Variants in ERAL1 observed in about 807,000 individuals in gnomAD.
ERAL1 encodes GTPase Era, mitochondrial.
Under a neutral mutation model 53.6 loss-of-function variants are expected in ERAL1, and 36 were observed. The ratio of observed to expected loss-of-function variants is 0.67; its 90% CI spans 0.51 to 0.89. ERAL1 has a LOEUF of 0.89. ERAL1 is among the 40% of genes least tolerant of loss of function. ERAL1 has a pLI of 0.00. For missense variants in ERAL1, 512 were observed against 537.5 expected (o/e 0.95, Z 0.47); for synonymous variants, 215 against 211.8 (o/e 1.02, Z -0.13).
intron 2 of ERAL1, 51 bp downstream of exon 2, chr17:28,856,442 A>G (rs1447872208): frequency 2.5e-6 from 4 of 1,613,552 alleles, no homozygotes; most frequent in Admixed American, 1.7e-5. Context: ...ACTTCTTGCC[A>G]TGCCTTCAAG....
chr17:28,856,511 C>T lies in ERAL1; in HGVS notation c.418C>T (p.Pro140Ser), dbSNP rs531285834. ...ACTCCTTTGTTCCTGGCAGGTGTTC[C>T]CTGTTTCCAGGAAGGTGCATACTAC... ...SNQLLGRKVFPVSRKVHTTRC... is the reference protein window; with the variant it reads ...SNQLLGRKVFSVSRKVHTTRC... The change falls in exon 3 of 10, where the codon CCT becomes TCT. Residue 140 changes from proline (P) to serine (S), a missense_variant. Pro to Ser is a moderately conservative substitution (Grantham distance 74). Coordinates refer to ENST00000254928, the MANE Select transcript of ERAL1 (RefSeq NM_005702.4). 3 of 1,613,726 alleles carry T rather than the reference C, an allele frequency of 1.9e-6. No homozygotes were observed. Among genetic ancestry groups the T allele is most frequent in the Non-Finnish European group, 2.5e-6 (3 of 1,179,812 alleles).
rs754516296 is a variant in ERAL1, at chr17:28,855,201, G to T, written c.167G>T (p.Arg56Leu). The change falls in exon 1 of 10, where the codon CGC becomes CTC. Residue 56 changes from arginine (R) to leucine (L), a missense_variant. By Grantham distance (102) the Arg-to-Leu change is moderately radical. Transcript: ENST00000254928. ...GCGGGGTCCGCTTTCTCTGGTCCCC[G>T]CTTGGCCTCGGCTTCTCGCAGTAAT... is the stretch of plus-strand genomic sequence containing the variant. ...CVAGSAFSGPRLASASRSNGQ... is the reference protein window; with the variant it reads ...CVAGSAFSGPLLASASRSNGQ... 18 of 1,614,094 alleles carry T rather than the reference G, an allele frequency of 1.1e-5. No homozygotes were observed. In the South Asian group the frequency reaches 2.0e-4, roughly 18 times the overall value.
At chr17:28,856,239 C>T (rs1441496335) in intron 1 of ERAL1, 25 bp from the exon 2 acceptor site, 8 of 1,613,380 alleles carry the variant, frequency 5.0e-6, no homozygotes, top group Non-Finnish European at 6.8e-6. Flanking sequence ...CACTGTGTCT[C>T]ATGCTTCTTC....
In ERAL1 at chr17:28,856,527, T is replaced by G; in HGVS notation, c.434T>G (p.Val145Gly). 6.2e-7 allele frequency: 1 copy of G among 1,613,842 alleles called. No homozygotes were observed. The stretch of plus-strand genomic sequence containing the variant: ...CAGGTGTTCCCTGTTTCCAGGAAGG[T>G]GCATACTACTCGCTGCCAAGCTCTG... ...GRKVFPVSRK[V>G]HTTRCQALGV... The change falls in exon 3 of 10, where the codon GTG (valine) becomes GGG (glycine). Residue 145 changes from valine (V) to glycine (G), a missense_variant. Physicochemically the swap from Val to Gly is moderately radical, Grantham distance 109. Coordinates refer to ENST00000254928, the MANE Select transcript of ERAL1 (RefSeq NM_005702.4).
Position 28,859,047 on chromosome 17 carries a change from T to A in ERAL1, c.1044T>A (p.Cys348Ter). 6.2e-7 allele frequency: 1 copy of A among 1,614,234 alleles called. No homozygotes were observed. Among genetic ancestry groups the A allele is most frequent in the South Asian group, 1.1e-5 (1 of 91,082 alleles). The change falls in exon 8 of 10, where the codon TGT (cysteine) becomes TGA (stop). Residue 348 changes from cysteine (C) to a stop codon, truncating the protein, a stop_gained. Coordinates refer to ENST00000254928, the MANE Select transcript of ERAL1 (RefSeq NM_005702.4). LOFTEE classifies it high-confidence loss of function. ...VLTSQTPEEI[C>*]ANIIREKLLE... The stretch of plus-strand genomic sequence containing the variant: ...CTAGCCAGACACCAGAAGAGATCTG[T>A]GCCAACATTATCCGAGAGAAGCTCC...
rs763611007 is a variant in ERAL1 at position 28,858,770 on chromosome 17, C to G, written c.906C>G (p.Phe302Leu). 8 of 1,614,210 alleles carry G rather than the reference C, an allele frequency of 5.0e-6. No homozygotes were observed. The highest frequency in any genetic ancestry group is 4.5e-5 in the East Asian group (2 of 44,888). ...CTCAGAGGATTGGCTGGCCCCACTTCAAGGAGATCTTCATGTTGTCAGCCC... is the reference window on the plus strand; with the variant it reads ...CTCAGAGGATTGGCTGGCCCCACTTGAAGGAGATCTTCATGTTGTCAGCCC... ...GNPQRIGWPH[F>L]KEIFMLSALS... Residue 302 changes from phenylalanine to leucine, a missense_variant, in exon 7 of 10, where the codon TTC becomes TTG. Physicochemically the swap from Phe to Leu is conservative, Grantham distance 22. Transcript: ENST00000254928.
At chr17:28,857,801 C>CA (rs1285474757) in intron 3 of ERAL1, 138 bp from the exon 4 acceptor site, 10 of 1,020,176 alleles carry the variant, frequency 9.8e-6, no homozygotes, top group Non-Finnish European at 1.5e-5. Flanking sequence ...CAGAAAAAAA[C>CA]AAAAAACAAA....
Position 28,860,892 on chromosome 17 carries a change from C to A in ERAL1, c.*339C>A, listed in dbSNP as rs564532395. 3 of 190,256 alleles carry A rather than the reference C, an allele frequency of 1.6e-5. No homozygotes were observed. Among genetic ancestry groups the A allele is most frequent in the Non-Finnish European group, 3.2e-5 (3 of 94,108 alleles). The allele number at this position is 190,256 out of a possible 1,614,324, so 11.8% of individuals were successfully genotyped here. A position where few individuals can be genotyped will look rare whatever the true frequency, so the allele number is the denominator to read the frequency against. Reference sequence around the variant, plus strand: ...TTTCTCCCTGAGTCGCTGTTGCTAGCAGGGAGATTTCTCTTCCTGCCCTCA... The same window carrying A: ...TTTCTCCCTGAGTCGCTGTTGCTAGAAGGGAGATTTCTCTTCCTGCCCTCA... On this transcript the variant is annotated 3_prime_UTR_variant, in exon 10 of 10. Transcript: ENST00000254928.
At chr17:28,858,057 G>C in intron 4 of ERAL1, 72 bp downstream of exon 4, 1 of 1,612,626 alleles carries the variant, frequency 6.2e-7, no homozygotes, top group Non-Finnish European at 8.5e-7. Context: ...CATTATAGGG[G>C]CTGGAAAACC....
At position 28,858,785 on chromosome 17, in the gene ERAL1, G is replaced by A. The variant is rs757153779; in HGVS notation, c.921G>A (p.Met307Ile). The A allele has an allele frequency of 1.2e-6, 2 of 1,614,186 alleles. No individual in the cohort carries two copies. The highest frequency in any genetic ancestry group is 1.1e-5 in the South Asian group (1 of 91,078). Residue 307 changes from methionine (M) to isoleucine (I), a missense_variant, in exon 7 of 10, where the codon ATG becomes ATA. Transcript: ENST00000254928. ...IGWPHFKEIF[M>I]LSALSQEDVK... ...GGCCCCACTTCAAGGAGATCTTCAT[G>A]TTGTCAGCCCTAAGCCAGGAGGACG...
chr17:28,859,265 G>A lies in ERAL1; in HGVS notation c.1173G>A (p.Val391=), dbSNP rs977933810. The A allele has an allele frequency of 3.1e-6, 5 of 1,614,152 alleles. No homozygotes were observed. Among genetic ancestry groups the A allele is most frequent in the Non-Finnish European group, 4.2e-6 (5 of 1,180,034 alleles). The change falls in exon 9 of 10, where the codon GTG becomes GTA. Residue 391 remains valine (V), a synonymous_variant. Coordinates refer to ENST00000254928, the MANE Select transcript of ERAL1 (RefSeq NM_005702.4). ...TGGTTATCCAACAGAAGCTTCTGGT[G>A]CCCAAAGAATCTTATGTGGTAAGTG... The part of the protein sequence containing the change: ...GELVIQQKLL[V]PKESYVKLLI...
chr17:28,855,071 C>G lies in ERAL1; in HGVS notation c.37C>G (p.Gln13Glu), dbSNP rs1008207460. 1.2e-6 allele frequency: 2 copies of G among 1,611,852 alleles called. No individual in the cohort carries two copies. The highest frequency in any genetic ancestry group is 2.7e-5 in the African/African-American group (2 of 74,882). Residue 13 changes from glutamine to glutamate, a missense_variant, in exon 1 of 10, where the codon CAA (glutamine) becomes GAA (glutamate). By Grantham distance (29) the Gln-to-Glu change is conservative. Coordinates refer to ENST00000254928, the MANE Select transcript of ERAL1 (RefSeq NM_005702.4). ...CAGCTGGCGCGGGGCTAGGCTTGTTCAATCGGTGTTAAGAGTCTGGCAGGT... is the reference window on the plus strand; with the variant it reads ...CAGCTGGCGCGGGGCTAGGCTTGTTGAATCGGTGTTAAGAGTCTGGCAGGT... ...APSWRGARLV[Q>E]SVLRVWQVGP...
At chr17:28,856,661 G>A in intron 3 of ERAL1, 79 bp downstream of exon 3, 1 of 1,232,084 alleles carries the variant, frequency 8.1e-7, no homozygotes, top group East Asian at 2.3e-5. Flanking sequence ...CAGCCTTGAA[G>A]AAAATGATGG....
Position 28,858,616 on chromosome 17 carries a change from C to CG in ERAL1, c.754dup (p.Ala252GlyfsTer5). On this transcript the variant is annotated frameshift_variant, in exon 7 of 10. Coordinates refer to ENST00000254928, the MANE Select transcript of ERAL1 (RefSeq NM_005702.4). LOFTEE classifies it high-confidence loss of function. Reference sequence around the variant, plus strand: ...CAGAAGTCAGTTCTCCTGGAGCTCACGGCAGCCCTCACTGAAGGTGTGGTC... The same window carrying CG: ...CAGAAGTCAGTTCTCCTGGAGCTCACGGGCAGCCCTCACTGAAGGTGTGGTC... 6.2e-7 allele frequency: 1 copy of CG among 1,614,186 alleles called. No homozygotes were observed. Among genetic ancestry groups the CG allele is most frequent in the South Asian group, 1.1e-5 (1 of 91,090 alleles).
At chr17:28,860,355 C>T in intron 9 of ERAL1, 76 bp from the exon 10 acceptor site, 4 of 1,562,976 alleles carry the variant, frequency 2.6e-6, no homozygotes, top group Non-Finnish European at 3.5e-6. Context: ...GATCTTCTCA[C>T]CTTAGCCCCC....
At chr17:28,857,047 A>G (rs371115823) in intron 3 of ERAL1, among the ~76,000 whole-genome samples, 5 of 150,486 alleles carry the variant, frequency 3.3e-5, no homozygotes, top group East Asian at 4.0e-4. Flanking sequence ...GGCATGGTAC[A>G]GTTCTGTCTC....
chr17:28,860,149 G>A (rs1161573236), intron 9 of ERAL1, among the ~76,000 whole-genome samples: 7 of 151,590 alleles, frequency 4.6e-5, no homozygotes, highest in Non-Finnish European at 7.4e-5. Flanking sequence ...CTAATTTTTT[G>A]TGTTTTTAGT....
intron 1 of ERAL1, among the ~76,000 whole-genome samples, chr17:28,855,858 G>A (rs996820099): frequency 2.6e-5 from 4 of 151,262 alleles, no homozygotes; most frequent in African/African-American, 9.7e-5. Flanking sequence ...TAGGGTGAGA[G>A]AATGAGAGCT....
At position 28,855,156 on chromosome 17, in the gene ERAL1, G is replaced by A. The variant is rs1229001274; in HGVS notation, c.122G>A (p.Arg41Gln). Reference protein sequence around the residue: ...IPFSSLLGFQRRCVSCVAGSA... With the variant: ...IPFSSLLGFQQRCVSCVAGSA... ...TTTTCCTCACTCTTAGGCTTCCAAC[G>A]GAGGTGCGTGTCCTGCGTCGCGGGG... is the stretch of plus-strand genomic sequence containing the variant. Residue 41 changes from arginine to glutamine, a missense_variant, in exon 1 of 10, where the codon CGG becomes CAG. By Grantham distance (43) the Arg-to-Gln change is conservative. Transcript: ENST00000254928. 6.2e-7 allele frequency: 1 copy of A among 1,614,108 alleles called. No homozygotes were observed. Among genetic ancestry groups the A allele is most frequent in the Non-Finnish European group, 8.5e-7 (1 of 1,180,040 alleles).
Sources: allele counts gnomAD v4.1 joint callset (sites outside exome capture counted in the v4.1 genomes callset), GRCh38; gene constraint gnomAD v4.1.1; transcripts MANE v1.5; gene names NCBI Gene and HGNC (gene_info 2026-07-23, HGNC 2026-07-21).